Variants in TBC1D5 observed in about 807,000 individuals in gnomAD.
The protein encoded by TBC1D5 is TBC1 domain family member 5.
In TBC1D5, 75 loss-of-function variants were observed where a neutral mutation model predicts 100.3. That is an observed-to-expected ratio of 0.75 (90% CI 0.62 to 0.91). The LOEUF (loss-of-function observed/expected upper bound fraction) is 0.91. TBC1D5 is among the 40% of genes least tolerant of loss of function. TBC1D5 has a pLI of 0.00. For synonymous variants in TBC1D5, 323 were observed against 325.6 expected (o/e 0.99, Z 0.09); for missense variants, 910 against 942.4 (o/e 0.97, Z 0.45).
chr3:17,544,592 A>G (rs903559742), intron 2 of TBC1D5, among the ~76,000 whole-genome samples: 2 of 150,390 alleles, frequency 1.3e-5, no homozygotes, highest in African/African-American at 4.9e-5. Context: ...CGGAGGTTGC[A>G]GTGAGCCGAG....
intron 13 of TBC1D5, among the ~76,000 whole-genome samples, chr3:17,341,321 C>A (rs1026870695): frequency 6.6e-6 from 1 of 152,048 alleles, no homozygotes; most frequent in Non-Finnish European, 1.5e-5. Flanking sequence ...CTCAGCCTCC[C>A]GAGTAGCTGG....
intron 2 of TBC1D5, among the ~76,000 whole-genome samples, chr3:17,540,289 C>T (rs1327166097): frequency 6.6e-6 from 1 of 152,174 alleles, no homozygotes; most frequent in African/African-American, 2.4e-5. Flanking sequence ...GTTGTCTTTT[C>T]ACCCTATTTA....
chr3:17,199,776 G>C (rs2071222481), intron 18 of TBC1D5, among the ~76,000 whole-genome samples: 1 of 152,230 alleles, frequency 6.6e-6, no homozygotes, highest in African/African-American at 2.4e-5. Context: ...CGATTACCTG[G>C]AGGTAATCCT....
intron 3 of TBC1D5, among the ~76,000 whole-genome samples, chr3:17,487,272 T>A (rs13321297): frequency 0.26 from 39,209 of 152,096 alleles, 5,436 homozygotes; most frequent in Middle Eastern, 0.32. Flanking sequence ...AGATTGACAT[T>A]TGACAGGTAT....
chr3:17,217,539 A>G (rs887234113), intron 17 of TBC1D5, among the ~76,000 whole-genome samples: 4 of 152,008 alleles, frequency 2.6e-5, no homozygotes, highest in Non-Finnish European at 5.9e-5. Context: ...AACACTTACT[A>G]TGAGCTATCT....
intron 2 of TBC1D5, among the ~76,000 whole-genome samples, chr3:17,608,307 T>G (rs796899344): frequency 1.6e-4 from 24 of 152,182 alleles, no homozygotes; most frequent in African/African-American, 5.8e-4. Context: ...ATCATCACTT[T>G]TACTCAACTG....
At chr3:17,358,279 G>A (rs951594807) in intron 13 of TBC1D5, among the ~76,000 whole-genome samples, 2 of 151,966 alleles carry the variant, frequency 1.3e-5, no homozygotes, top group Admixed American at 1.3e-4. Flanking sequence ...CTGCCTCCTG[G>A]GTTCAAGTGA....
chr3:17,705,514 T>C (rs1244000636), intron 1 of TBC1D5, among the ~76,000 whole-genome samples: 10 of 129,658 alleles, frequency 7.7e-5, no homozygotes, highest in Non-Finnish European at 1.5e-4. Flanking sequence ...AGGCGGAGGG[T>C]CTCCTCACTT....
At chr3:17,669,238 A>G (rs888881324) in intron 1 of TBC1D5, among the ~76,000 whole-genome samples, 1 of 152,034 alleles carries the variant, frequency 6.6e-6, no homozygotes, top group African/African-American at 2.4e-5. Flanking sequence ...TTCCCCTTCC[A>G]CCATGATTGT....
At chr3:17,227,233 G>A (rs2074986877) in intron 17 of TBC1D5, among the ~76,000 whole-genome samples, 1 of 152,080 alleles carries the variant, frequency 6.6e-6, no homozygotes, top group Admixed American at 6.6e-5. Flanking sequence ...AAATGGTCGT[G>A]GTGGGTCAGG....
intron 8 of TBC1D5, among the ~76,000 whole-genome samples, chr3:17,392,105 G>A (rs1328823989): frequency 2.0e-5 from 3 of 152,060 alleles, no homozygotes; most frequent in Non-Finnish European, 4.4e-5. Context: ...AACTAAAGAT[G>A]AAATCAAAGG....
chr3:17,530,382 A>C (rs1461628720), intron 2 of TBC1D5, among the ~76,000 whole-genome samples: 1 of 152,182 alleles, frequency 6.6e-6, no homozygotes, highest in East Asian at 1.9e-4. Flanking sequence ...CATCAGCAAA[A>C]AGAGGGTAAT....
At chr3:17,384,086 G>T in intron 8 of TBC1D5, 71 bp from the exon 9 acceptor site, 1 of 1,352,928 alleles carries the variant, frequency 7.4e-7, no homozygotes, top group Non-Finnish European at 1.0e-6. Context: ...TTCTCATCTC[G>T]AAGACGTGCC....
At chr3:17,604,281 A>G (rs1008784654) in intron 2 of TBC1D5, among the ~76,000 whole-genome samples, 1 of 152,218 alleles carries the variant, frequency 6.6e-6, no homozygotes, top group African/African-American at 2.4e-5. Flanking sequence ...AGGCAATCCC[A>G]GAATTTCCTT....
chr3:17,506,948 A>C (rs1042122965), intron 3 of TBC1D5, among the ~76,000 whole-genome samples: 11 of 152,146 alleles, frequency 7.2e-5, no homozygotes, highest in Admixed American at 7.2e-4. Flanking sequence ...CCCGGGAGGC[A>C]CAGCTTGCAG....
intron 13 of TBC1D5, among the ~76,000 whole-genome samples, chr3:17,346,035 A>G (rs2089817281): frequency 6.6e-6 from 1 of 152,248 alleles, no homozygotes; most frequent in South Asian, 2.1e-4. Context: ...TAACCTGCAC[A>G]TTGTGCACAT....
intron 17 of TBC1D5, among the ~76,000 whole-genome samples, chr3:17,215,127 TGAGGA>T (rs1404227980): frequency 3.3e-5 from 5 of 151,988 alleles, no homozygotes; most frequent in Non-Finnish European, 7.4e-5. Flanking sequence ...CTAGAGGGTT[TGAGGA>T]GAGGAGTGAC....
At chr3:17,303,890 T>A (rs572658715) in intron 14 of TBC1D5, among the ~76,000 whole-genome samples, 1 of 149,472 alleles carries the variant, frequency 6.7e-6, no homozygotes, top group East Asian at 2.0e-4. Context: ...CCAGTGTTTG[T>A]CTCTGTAGGA....
rs538108176 is a variant in TBC1D5 at position 17,533,293 on chromosome 3, C to T, written c.-35-24688G>A. Among the ~76,000 whole-genome samples the T allele has an allele frequency of 5.6e-4, 85 of 151,148 alleles. 1 individual carries two copies. In the South Asian group the frequency reaches 0.017, roughly 31 times the overall value. Reference sequence around the variant, plus strand: ...CCAATATATAAAGAAAATAAAAATACCCAAGCTGGTTACTCAACAAAACAT... The same window carrying T: ...CCAATATATAAAGAAAATAAAAATATCCAAGCTGGTTACTCAACAAAACAT... On this transcript the variant is annotated intron_variant, in intron 2 of 21. Transcript: ENST00000253692.
Sources: allele counts gnomAD v4.1 joint callset (sites outside exome capture counted in the v4.1 genomes callset), GRCh38; gene constraint gnomAD v4.1.1; transcripts MANE v1.5; gene names NCBI Gene and HGNC (gene_info 2026-07-23, HGNC 2026-07-21).